The following ATP9A variants were observed in gnomAD, a reference collection of about 807,000 sequenced individuals.
ATP9A encodes the protein probable phospholipid-transporting ATPase IIA.
Under a neutral mutation model 144.1 loss-of-function variants are expected in ATP9A, and 52 were observed. That is an observed-to-expected ratio of 0.36 (90% CI 0.29 to 0.45). ATP9A has a LOEUF of 0.45. Among genes scored for constraint, ATP9A ranks in the 20% least tolerant of loss-of-function variants. The probability of loss-of-function intolerance (pLI) is 1.00; values close to 1 mark genes in which losing one functional copy is unlikely to be tolerated. For synonymous variants in ATP9A, 582 were observed against 557.4 expected, an observed-to-expected ratio of 1.04 and a Z score of -0.62; for missense variants, 947 against 1,392.7, an observed-to-expected ratio of 0.68 and a Z score of 5.09.
intron 15 of ATP9A, among the ~76,000 whole-genome samples, chr20:51,631,786 G>A (rs1397785212): frequency 1.3e-5 from 2 of 152,208 alleles, no homozygotes; most frequent in African/African-American, 4.8e-5. Context: ...TGGGAAGGGG[G>A]AGAAGGCACT....
At chr20:51,751,724 AC>A (rs2077832892) in intron 1 of ATP9A, among the ~76,000 whole-genome samples, 2 of 152,034 alleles carry the variant, frequency 1.3e-5, no homozygotes, top group South Asian at 4.2e-4. Context: ...AGTAGCTGGG[AC>A]TGCAGGCGCC....
At chr20:51,758,408 C>G (rs1238850435) in intron 1 of ATP9A, among the ~76,000 whole-genome samples, 1 of 152,212 alleles carries the variant, frequency 6.6e-6, no homozygotes, top group Non-Finnish European at 1.5e-5. Context: ...ACAGCCAGCC[C>G]TTATCACTGA....
At chr20:51,730,941 A>G (rs2077738301) in intron 1 of ATP9A, among the ~76,000 whole-genome samples, 1 of 152,004 alleles carries the variant, frequency 6.6e-6, no homozygotes, top group African/African-American at 2.4e-5. Context: ...GGCCAAAGCA[A>G]GAAGATCATT....
intron 15 of ATP9A, among the ~76,000 whole-genome samples, chr20:51,636,977 G>A (rs1305100614): frequency 6.6e-6 from 1 of 152,218 alleles, no homozygotes; most frequent in African/African-American, 2.4e-5. Flanking sequence ...TGTAATCCCA[G>A]CTACTCGGGA....
intron 3 of ATP9A, among the ~76,000 whole-genome samples, chr20:51,722,238 TC>T (rs745848590): frequency 2.5e-3 from 379 of 152,316 alleles, no homozygotes; most frequent in Non-Finnish European, 2.2e-3. Context: ...CTATAAAAGT[TC>T]TAGAAGGTAA....
intron 4 of ATP9A, among the ~76,000 whole-genome samples, chr20:51,706,815 G>A (rs1457857848): frequency 2.0e-5 from 3 of 152,214 alleles, no homozygotes; most frequent in African/African-American, 4.8e-5. Flanking sequence ...CTGATGGCAG[G>A]TAGCCTTTCT....
intron 1 of ATP9A, among the ~76,000 whole-genome samples, chr20:51,745,765 C>T (rs1601142031): frequency 6.6e-6 from 1 of 152,082 alleles, no homozygotes; most frequent in African/African-American, 2.4e-5. Flanking sequence ...CACCATCATC[C>T]AGCACAGTAG....
chr20:51,762,808 C>T (rs1280174747), intron 1 of ATP9A, among the ~76,000 whole-genome samples: 2 of 146,618 alleles, frequency 1.4e-5, no homozygotes, highest in African/African-American at 5.1e-5. Flanking sequence ...TTCCTGGGCT[C>T]AAGCACTCCT....
chr20:51,675,398 G>A (rs143626500), intron 10 of ATP9A, among the ~76,000 whole-genome samples: 72 of 152,268 alleles, frequency 4.7e-4, no homozygotes, highest in African/African-American at 1.7e-3. Context: ...GGTGGGTCAC[G>A]GTTTGAATCA....
At chr20:51,604,391 A>C (rs1431677509) in intron 27 of ATP9A, among the ~76,000 whole-genome samples, 3 of 152,164 alleles carry the variant, frequency 2.0e-5, no homozygotes, top group Non-Finnish European at 4.4e-5. Flanking sequence ...ATCAGGACAC[A>C]GCAGCAAGGC....
At chr20:51,755,189 G>T (rs2077850462) in intron 1 of ATP9A, among the ~76,000 whole-genome samples, 1 of 151,994 alleles carries the variant, frequency 6.6e-6, no homozygotes, top group Admixed American at 6.6e-5. Flanking sequence ...TGTAATCCCA[G>T]CACTTTGGGA....
At chr20:51,650,466 G>A (rs888880395) in intron 14 of ATP9A, among the ~76,000 whole-genome samples, 6 of 152,008 alleles carry the variant, frequency 3.9e-5, no homozygotes, top group East Asian at 3.9e-4. Flanking sequence ...CCCAGGAGAC[G>A]GAGGTTGCAG....
At chr20:51,697,263 G>C (rs372931004) in intron 5 of ATP9A, among the ~76,000 whole-genome samples, 161 bp downstream of exon 5, 41 of 152,132 alleles carry the variant, frequency 2.7e-4, no homozygotes, top group African/African-American at 5.3e-4. Context: ...GTGTGTGTGT[G>C]TGTCTGTCTG....
At chr20:51,729,062 G>T (rs1473253416) in intron 2 of ATP9A, among the ~76,000 whole-genome samples, 1 of 152,164 alleles carries the variant, frequency 6.6e-6, no homozygotes, top group Non-Finnish European at 1.5e-5. Context: ...AAATACTAAT[G>T]AAAATTCTCT....
intron 1 of ATP9A, among the ~76,000 whole-genome samples, chr20:51,749,899 C>A (rs1468352918): frequency 6.6e-6 from 1 of 151,974 alleles, no homozygotes; most frequent in African/African-American, 2.4e-5. Context: ...GTAATCCCAG[C>A]ACTTTGGGAG....
At chr20:51,740,400 T>C (rs930665797) in intron 1 of ATP9A, among the ~76,000 whole-genome samples, 1 of 147,768 alleles carries the variant, frequency 6.8e-6, no homozygotes, top group Non-Finnish European at 1.5e-5. Flanking sequence ...AGCCACTATC[T>C]AAAATCTTTT....
At chr20:51,653,256 AC>A (rs1164106145) in intron 14 of ATP9A, among the ~76,000 whole-genome samples, 1 of 151,988 alleles carries the variant, frequency 6.6e-6, no homozygotes, top group Non-Finnish European at 1.5e-5. Flanking sequence ...CAATTCATCC[AC>A]AGAAGAGATA....
In ATP9A at chr20:51,610,087, C is replaced by G. The variant is rs1282506585; in HGVS notation, c.2636+14G>C. 4 of 1,574,098 alleles carry G rather than the reference C, an allele frequency of 2.5e-6. No homozygotes were observed. Among genetic ancestry groups the G allele is most frequent in the Non-Finnish European group, 2.6e-6 (3 of 1,144,242 alleles). On this transcript the variant is annotated intron_variant, in intron 24 of 27. Coordinates refer to ENST00000338821, the MANE Select transcript of ATP9A (RefSeq NM_006045.3). ...GTTTTGTAAACAATTAATTCCTTGGCAGGATTTCCTTACCCAATGATGAGG... is the reference window on the plus strand; with the variant it reads ...GTTTTGTAAACAATTAATTCCTTGGGAGGATTTCCTTACCCAATGATGAGG...
chr20:51,677,625 C>T (rs1006549762), intron 9 of ATP9A, among the ~76,000 whole-genome samples: 1 of 152,160 alleles, frequency 6.6e-6, no homozygotes, highest in Non-Finnish European at 1.5e-5. Flanking sequence ...GAAACAGATG[C>T]TTCTTTTTAG....
Sources: gnomAD v4.1 joint callset for allele counts (sites outside exome capture counted in the v4.1 genomes callset) on GRCh38, gnomAD v4.1.1 for gene constraint, MANE v1.5 for transcripts, NCBI Gene and HGNC (gene_info 2026-07-23, HGNC 2026-07-21) for gene names.